ANXA8: variants seen among roughly 807,000 people sequenced by gnomAD.
The protein encoded by ANXA8 is annexin A8, also known as VAC-beta.
A neutral mutation model predicts 26.8 loss-of-function variants in ANXA8; 9 were observed. That is an observed-to-expected ratio of 0.34 (90% CI 0.20 to 0.59). The LOEUF (loss-of-function observed/expected upper bound fraction) is 0.59, where lower values mean the gene tolerates loss of function less well. Among genes scored for constraint, ANXA8 ranks in the 20% least tolerant of loss-of-function variants. ANXA8 has a pLI of 0.84. For synonymous variants in ANXA8, 39 were observed against 94.8 expected (o/e 0.41, Z 3.42); for missense variants, 83 against 238.5 (o/e 0.35, Z 4.29).
the ANXA8 span, among the ~76,000 whole-genome samples, chr10:47,553,671 G>C: frequency 6.6e-6 from 1 of 150,436 alleles, no homozygotes; most frequent in Non-Finnish European, 1.5e-5. Context: ...TGCGCAGTGC[G>C]TTCCACCGGG....
the ANXA8 span, among the ~76,000 whole-genome samples, chr10:47,761,805 ATGC>A: frequency 7.5e-6 from 1 of 133,974 alleles, no homozygotes; most frequent in East Asian, 2.4e-4. Context: ...TCCGGGAGGG[ATGC>A]TGCTGGCTAG....
At chr10:47,756,804 C>T in the ANXA8 span, among the ~76,000 whole-genome samples, 10 of 147,484 alleles carry the variant, frequency 6.8e-5, no homozygotes, top group Non-Finnish European at 1.4e-4. Context: ...CATCAGTGCC[C>T]ATTGAGTCGG....
chr10:47,510,932 A>ATTAC, the ANXA8 span, among the ~76,000 whole-genome samples: 1 of 132,708 alleles, frequency 7.5e-6, no homozygotes, highest in South Asian at 2.4e-4. Flanking sequence ...TAATTAATTA[A>ATTAC]TTAATTTATT....
chr10:47,777,070 A>G, the ANXA8 span, among the ~76,000 whole-genome samples: 1 of 151,996 alleles, frequency 6.6e-6, no homozygotes, highest in Non-Finnish European at 1.5e-5. Context: ...GAAGTGAGGA[A>G]ATACAGTATT....
chr10:47,565,222 C>A, the ANXA8 span: 78 of 609,978 alleles, frequency 1.3e-4, 2 homozygotes, highest in African/African-American at 8.2e-4. Flanking sequence ...AGCCTCCCCC[C>A]AGCCCTGCGG....
At chr10:47,502,436 A>T in the ANXA8 span, 9 of 1,571,344 alleles carry the variant, frequency 5.7e-6, 1 homozygote, top group South Asian at 1.0e-4. Context: ...CGGATCCACC[A>T]TTCCTTCTCT....
At chr10:47,564,840 G>T in the ANXA8 span, 1 of 1,026,398 alleles carries the variant, frequency 9.7e-7, no homozygotes. Flanking sequence ...CTCTATGCCA[G>T]CAACTCCTGC....
chr10:47,946,789 T>G, the ANXA8 span, among the ~76,000 whole-genome samples: 1 of 151,400 alleles, frequency 6.6e-6, no homozygotes, highest in African/African-American at 2.4e-5. Context: ...GCCTCCCGGG[T>G]TCAGGCAATT....
chr10:47,619,691 T>G, the ANXA8 span, among the ~76,000 whole-genome samples: 1 of 116,400 alleles, frequency 8.6e-6, no homozygotes, highest in African/African-American at 3.2e-5. Flanking sequence ...TAACGTGTAT[T>G]TATTGACTTC....
upstream of ANXA8, chr10:47,484,347 G>A (rs1217498949): frequency 1.4e-6 from 1 of 703,218 alleles, no homozygotes; most frequent in African/African-American, 1.8e-5. Context: ...GCCTACCAAA[G>A]TGCTGGGATT....
At chr10:47,526,471 C>T in the ANXA8 span, among the ~76,000 whole-genome samples, 1 of 133,808 alleles carries the variant, frequency 7.5e-6, no homozygotes, top group Non-Finnish European at 1.5e-5. Flanking sequence ...GTCCCTTCTA[C>T]ATGCCAGGCA....
At chr10:47,705,060 G>A in the ANXA8 span, among the ~76,000 whole-genome samples, 7 of 152,158 alleles carry the variant, frequency 4.6e-5, no homozygotes, top group African/African-American at 1.4e-4. Context: ...GAGGCAAAGA[G>A]TTAAAGACCA....
the ANXA8 span, among the ~76,000 whole-genome samples, chr10:47,590,914 C>G: frequency 7.6e-6 from 1 of 131,002 alleles, no homozygotes; most frequent in Non-Finnish European, 1.5e-5. Flanking sequence ...CTTGAGTTAC[C>G]TGTGGTGACT....
At chr10:47,515,749 G>A in the ANXA8 span, among the ~76,000 whole-genome samples, 1 of 139,562 alleles carries the variant, frequency 7.2e-6, no homozygotes, top group Non-Finnish European at 1.5e-5. Context: ...CAGAAAATTG[G>A]GAGATCCTTC....
the ANXA8 span, chr10:47,710,175 T>C: frequency 1.0e-6 from 1 of 991,192 alleles, no homozygotes; most frequent in Non-Finnish European, 1.5e-6. Flanking sequence ...TCAAGAAAAA[T>C]GTAATGTTGC....
chr10:47,909,649 A>C, the ANXA8 span, among the ~76,000 whole-genome samples: 2 of 46,882 alleles, frequency 4.3e-5, 1 homozygote, highest in Non-Finnish European at 8.1e-5. Flanking sequence ...TGAGCCCCAG[A>C]TGGAATATCA....
At chr10:47,572,840 A>G in the ANXA8 span, among the ~76,000 whole-genome samples, 1 of 151,536 alleles carries the variant, frequency 6.6e-6, no homozygotes, top group Admixed American at 6.6e-5. Context: ...AATAATTGAT[A>G]CCTTGTGATT....
the ANXA8 span, among the ~76,000 whole-genome samples, chr10:47,673,591 A>G: frequency 6.6e-6 from 1 of 151,348 alleles, no homozygotes; most frequent in Non-Finnish European, 1.5e-5. Context: ...ACTGGAGAGC[A>G]AGGAGAATCT....
chr10:47,979,363 A>G, the ANXA8 span, among the ~76,000 whole-genome samples: 1 of 151,670 alleles, frequency 6.6e-6, no homozygotes, highest in Non-Finnish European at 1.5e-5. Context: ...AACAGAATAG[A>G]CATTCTTTAT....
Sources: allele counts gnomAD v4.1 joint callset (sites outside exome capture counted in the v4.1 genomes callset), GRCh38; gene constraint gnomAD v4.1.1; transcripts MANE v1.5; gene names NCBI Gene and HGNC (gene_info 2026-07-23, HGNC 2026-07-21).